The following SETD2 variants were observed in gnomAD, a reference collection of about 807,000 sequenced individuals.
SETD2 encodes SET domain containing 2, histone lysine methyltransferase, also known as histone-lysine N-methyltransferase SETD2.
Under a neutral mutation model 242.1 loss-of-function variants are expected in SETD2, and 31 were observed. That is an observed-to-expected ratio of 0.13 (90% CI 0.10 to 0.17). SETD2 has a LOEUF of 0.17. Ranked by LOEUF, SETD2 falls within the 10% of genes least tolerant of loss-of-function variation. The probability of loss-of-function intolerance (pLI) is 1.00; values close to 1 mark genes in which losing one functional copy is unlikely to be tolerated. For missense variants in SETD2, 2,481 were observed against 3,046.3 expected (o/e 0.81, Z 4.37); for synonymous variants, 1,006 against 1,066.5 (o/e 0.94, Z 1.11).
rs2106712582 is a variant in SETD2, at chr3:47,123,800, G to A, written c.836C>T (p.Ser279Leu). 2.6e-6 allele frequency: 4 copies of A among 1,545,416 alleles called. No homozygotes were observed. The highest frequency in any genetic ancestry group is 3.5e-6 in the Non-Finnish European group (4 of 1,144,678). ...QILNEQADIS[S>L]KKEDSHIGKD... ...CCCAATATGGGAATCTTCTTTTTTTGAGGAAATATCTGCTTGCTCATTCAA... is the reference window on the plus strand; with the variant it reads ...CCCAATATGGGAATCTTCTTTTTTTAAGGAAATATCTGCTTGCTCATTCAA... The change falls in exon 3 of 21, where the codon TCA (serine) becomes TTA (leucine). Residue 279 changes from serine (S) to leucine (L), a missense_variant. By Grantham distance (145) the Ser-to-Leu change is moderately radical. This residue lies in a region of SETD2 where 334 missense variants were observed against 374.5 expected (regional missense o/e 0.89). Transcript: ENST00000409792.
chr3:47,161,471 T>C (rs186979225), intron 1 of SETD2, among the ~76,000 whole-genome samples: 2 of 152,286 alleles, frequency 1.3e-5, no homozygotes, highest in East Asian at 3.9e-4. Flanking sequence ...TCTCAAGAGT[T>C]TGCTGTCACT....
chr3:47,021,976 G>GT (rs2107499111), intron 18 of SETD2, among the ~76,000 whole-genome samples: 1 of 151,960 alleles, frequency 6.6e-6, no homozygotes, highest in South Asian at 2.1e-4. Context: ...GTGAAACCTC[G>GT]TCTCTACTAA....
At chr3:47,147,443 C>G (rs530602248) in intron 1 of SETD2, among the ~76,000 whole-genome samples, 1 of 151,810 alleles carries the variant, frequency 6.6e-6, no homozygotes, top group South Asian at 2.1e-4. Flanking sequence ...CTGCCTCAGC[C>G]GCCCGACTAG....
chr3:47,119,396 A>T (rs77354175), intron 3 of SETD2: 1,846 of 149,342 alleles, frequency 0.012, 13 homozygotes, highest in Middle Eastern at 0.044. Flanking sequence ...ACAATAGTCT[A>T]AAAAAAAATG....
At chr3:47,153,769 A>G (rs980393313) in intron 1 of SETD2, among the ~76,000 whole-genome samples, 4 of 152,044 alleles carry the variant, frequency 2.6e-5, no homozygotes, top group Non-Finnish European at 5.9e-5. Context: ...AAAAAAAAAA[A>G]AAGAGATCCC....
intron 14 of SETD2, among the ~76,000 whole-genome samples, chr3:47,058,174 T>C (rs2040157840): frequency 6.6e-6 from 1 of 151,920 alleles, no homozygotes; most frequent in Non-Finnish European, 1.5e-5. Flanking sequence ...CCAAAAAAAC[T>C]TCCTTTCAAA....
intron 12 of SETD2, among the ~76,000 whole-genome samples, chr3:47,079,969 T>A (rs1319016717): frequency 6.6e-6 from 1 of 152,202 alleles, no homozygotes; most frequent in South Asian, 2.1e-4. Flanking sequence ...TTAATCCTTA[T>A]GGATACAGAA....
At chr3:47,021,116 G>A (rs182213257) in intron 18 of SETD2, among the ~76,000 whole-genome samples, 91 of 152,232 alleles carry the variant, frequency 6.0e-4, no homozygotes, top group Middle Eastern at 3.4e-3. Flanking sequence ...GTTTTGCTTT[G>A]GGATTTTGTT....
At chr3:47,079,223 T>C (rs2041228860) in intron 12 of SETD2, among the ~76,000 whole-genome samples, 1 of 152,218 alleles carries the variant, frequency 6.6e-6, no homozygotes, top group Non-Finnish European at 1.5e-5. Context: ...GGAAAATGTA[T>C]GTGTTTTCAT....
At chr3:47,107,717 T>TGGGGGG (rs2042482779) in intron 5 of SETD2, among the ~76,000 whole-genome samples, 1 of 37,048 alleles carries the variant, frequency 2.7e-5, no homozygotes, top group Non-Finnish European at 5.9e-5. Context: ...TCACTTTGGG[T>TGGGGGG]GGCGGGGGGG....
intron 15 of SETD2, among the ~76,000 whole-genome samples, chr3:47,053,982 A>G (rs1322094976): frequency 6.6e-6 from 1 of 152,240 alleles, no homozygotes; most frequent in Non-Finnish European, 1.5e-5. Flanking sequence ...ACAAAGACTC[A>G]AGAATATTAA....
chr3:47,127,731 C>T lies in SETD2; in HGVS notation c.72-1068G>A, dbSNP rs1322574250. 5.3e-5 allele frequency among the ~76,000 whole-genome samples: 8 copies of T among 152,042 alleles called. No individual in the cohort carries two copies. In the South Asian group the frequency reaches 6.2e-4, roughly 12 times the overall value. ...ACAAAATTAGCCGAGCATGGTGGTGCGTGCCTGTAATCCCAGCTACTCGGG... is the reference window on the plus strand; with the variant it reads ...ACAAAATTAGCCGAGCATGGTGGTGTGTGCCTGTAATCCCAGCTACTCGGG... On this transcript the variant is annotated intron_variant, in intron 1 of 20. Coordinates refer to ENST00000409792, the MANE Select transcript of SETD2 (RefSeq NM_014159.7).
chr3:47,045,294 T>C (rs1255780776), intron 16 of SETD2, among the ~76,000 whole-genome samples: 1 of 151,636 alleles, frequency 6.6e-6, no homozygotes, highest in Non-Finnish European at 1.5e-5. Flanking sequence ...CCAAGGCGGG[T>C]AGATCACGAG....
intron 9 of SETD2, among the ~76,000 whole-genome samples, chr3:47,089,780 T>C (rs2041719153): frequency 6.6e-6 from 1 of 152,084 alleles, no homozygotes; most frequent in African/African-American, 2.4e-5. Flanking sequence ...AGGGAGTAAT[T>C]AGAATGAGTC....
intron 12 of SETD2, among the ~76,000 whole-genome samples, chr3:47,073,540 A>T (rs2040920345): frequency 6.6e-6 from 1 of 152,154 alleles, no homozygotes; most frequent in Non-Finnish European, 1.5e-5. Flanking sequence ...AAGAGGAAGA[A>T]AAGAGTGAGA....
intron 1 of SETD2, among the ~76,000 whole-genome samples, chr3:47,159,769 G>A (rs1697433597): frequency 6.6e-6 from 1 of 152,168 alleles, no homozygotes; most frequent in South Asian, 2.1e-4. Flanking sequence ...GAGGTCAGGA[G>A]TTCAAGACCA....
intron 1 of SETD2, among the ~76,000 whole-genome samples, chr3:47,132,250 AG>A (rs1002080396): frequency 5.4e-5 from 8 of 149,370 alleles, no homozygotes; most frequent in Admixed American, 1.4e-4. Context: ...TTTCTGCTTC[AG>A]CCTCCTGAGT....
chr3:47,043,418 A>G (rs1381457823), intron 16 of SETD2, among the ~76,000 whole-genome samples: 1 of 152,204 alleles, frequency 6.6e-6, no homozygotes. Flanking sequence ...CAAGCCAAGG[A>G]GAGAGGCCTC....
At position 47,076,471 on chromosome 3, in the gene SETD2, G is replaced by A. The variant is rs2041082007; in HGVS notation, c.6060+7249C>T. Among the ~76,000 whole-genome samples, 3 of 152,156 alleles carry A rather than the reference G, an allele frequency of 2.0e-5. No individual in the cohort carries two copies. The South Asian group carries it at 6.2e-4, about 31-fold the overall frequency. Reference sequence around the variant, plus strand: ...TACTGAATGTAGCACAGATTATAGAGGGCACATAGTAGTCACTCACTATTA... The same window carrying A: ...TACTGAATGTAGCACAGATTATAGAAGGCACATAGTAGTCACTCACTATTA... On this transcript the variant is annotated intron_variant, in intron 12 of 20. Coordinates refer to ENST00000409792, the MANE Select transcript of SETD2 (RefSeq NM_014159.7).
Sources: gnomAD v4.1 joint callset for allele counts (sites outside exome capture counted in the v4.1 genomes callset) on GRCh38, gnomAD v4.1.1 for gene constraint, gnomAD v4.1.1 regional missense constraint, MANE v1.5 for transcripts, NCBI Gene and HGNC (gene_info 2026-07-23, HGNC 2026-07-21) for gene names.